The following VAV3 variants were observed in gnomAD, a reference collection of about 807,000 sequenced individuals.
The protein encoded by VAV3 is guanine nucleotide exchange factor VAV3.
In VAV3, 94 loss-of-function variants were observed where a neutral mutation model predicts 131.2. The observed-to-expected ratio is 0.72, with a 90% CI of 0.61 to 0.85. The LOEUF (loss-of-function observed/expected upper bound fraction) is 0.85, where lower values mean the gene tolerates loss of function less well. Among genes scored for constraint, VAV3 ranks in the 40% least tolerant of loss-of-function variants. The pLI, the probability that VAV3 is intolerant of heterozygous loss-of-function variation, is 0.00. For missense variants in VAV3, 939 were observed against 1,002.7 expected (o/e 0.94, Z 0.86); for synonymous variants, 349 against 342.0 (o/e 1.02, Z -0.22).
intron 2 of VAV3, among the ~76,000 whole-genome samples, chr1:107,822,088 A>G (rs1182815919): frequency 6.6e-6 from 1 of 152,134 alleles, no homozygotes; most frequent in East Asian, 1.9e-4. Context: ...GACTAGGGCA[A>G]AAACTCACCA....
intron 15 of VAV3, among the ~76,000 whole-genome samples, chr1:107,709,622 C>T (rs1570798356): frequency 6.6e-6 from 1 of 152,168 alleles, no homozygotes; most frequent in East Asian, 1.9e-4. Flanking sequence ...ATAATCCCCA[C>T]GTGTCGTGAG....
In VAV3 at chr1:107,642,723, A is replaced by G. The variant is rs199768177; in HGVS notation, c.1810T>C (p.Ser604Pro). The G allele has an allele frequency of 2.9e-5, 46 of 1,613,484 alleles. No individual in the cohort carries two copies. The East Asian group carries it at 8.7e-4, about 30-fold the overall frequency. Residue 604 changes from serine to proline, a missense_variant, in exon 20 of 27, where the codon TCT becomes CCT. By Grantham distance (74) the Ser-to-Pro change is moderately conservative. Transcript: ENST00000370056. ...LPKMQVIRNY[S>P]GTPPPALHEG... ...TGCAGAGCTGGGGGTGGTGTTCCAG[A>G]ATAGTTCCTAATGACCTGCATCTTT...
At chr1:107,596,978 C>T (rs150055565) in intron 24 of VAV3, among the ~76,000 whole-genome samples, 6 of 152,258 alleles carry the variant, frequency 3.9e-5, no homozygotes, top group East Asian at 1.9e-4. Flanking sequence ...GTAATAACCA[C>T]ATGCCATCCT....
intron 2 of VAV3, 73 bp downstream of exon 2, chr1:107,874,828 A>ACT (rs1241774673): frequency 7.7e-7 from 1 of 1,302,172 alleles, no homozygotes; most frequent in African/African-American, 1.5e-5. Context: ...CACATGCCCT[A>ACT]CTTCAAGATT....
At chr1:107,698,177 T>C (rs539245060) in intron 17 of VAV3, among the ~76,000 whole-genome samples, 109 of 152,328 alleles carry the variant, frequency 7.2e-4, no homozygotes, top group Middle Eastern at 6.8e-3. Flanking sequence ...GTACAAATGG[T>C]CCCCAATTTT....
At chr1:107,584,244 T>C (rs1170901514) in intron 25 of VAV3, among the ~76,000 whole-genome samples, 1 of 152,168 alleles carries the variant, frequency 6.6e-6, no homozygotes, top group African/African-American at 2.4e-5. Context: ...TTACACCTTA[T>C]ACAAGAATCA....
intron 11 of VAV3, 74 bp downstream of exon 11, chr1:107,757,187 G>GTGTGTGTGTGTGTGTATA (rs869175769): frequency 2.3e-5 from 19 of 814,520 alleles, no homozygotes; most frequent in African/African-American, 1.7e-4. Context: ...GTGTGTGTGT[G>GTGTGTGTGTGTGTGTATA]TATGCAATTT....
intron 15 of VAV3, among the ~76,000 whole-genome samples, chr1:107,715,776 T>C (rs1661056640): frequency 6.6e-6 from 1 of 152,144 alleles, no homozygotes; most frequent in Non-Finnish European, 1.5e-5. Flanking sequence ...AGAAATCAAT[T>C]CTAGAGAATT....
chr1:107,746,838 G>A (rs540719963), intron 15 of VAV3, among the ~76,000 whole-genome samples: 1 of 151,912 alleles, frequency 6.6e-6, no homozygotes, highest in South Asian at 2.1e-4. Flanking sequence ...CACTCTTAAG[G>A]AGAGAAGTCA....
intron 2 of VAV3, among the ~76,000 whole-genome samples, chr1:107,813,830 T>C (rs961465133): frequency 6.6e-6 from 1 of 152,116 alleles, no homozygotes; most frequent in Admixed American, 6.5e-5. Context: ...ACTTTTTGGT[T>C]CCCACATAAT....
At chr1:107,609,064 G>C (rs542415006) in intron 22 of VAV3, among the ~76,000 whole-genome samples, 12 of 152,150 alleles carry the variant, frequency 7.9e-5, no homozygotes, top group Non-Finnish European at 1.5e-4. Flanking sequence ...CTCACTAGTT[G>C]CATGCTCTGT....
chr1:107,826,631 C>T (rs1055646338), intron 2 of VAV3, among the ~76,000 whole-genome samples: 1 of 152,124 alleles, frequency 6.6e-6, no homozygotes, highest in Non-Finnish European at 1.5e-5. Flanking sequence ...CCAATGTTAG[C>T]GAAAGTCAAG....
intron 19 of VAV3, among the ~76,000 whole-genome samples, chr1:107,651,177 T>C (rs527275143): frequency 3.3e-5 from 5 of 152,280 alleles, no homozygotes; most frequent in African/African-American, 1.2e-4. Flanking sequence ...GGCACCTTGA[T>C]TGTAGATTTC....
At chr1:107,616,905 G>A (rs1653196152) in intron 21 of VAV3, among the ~76,000 whole-genome samples, 1 of 152,006 alleles carries the variant, frequency 6.6e-6, no homozygotes, top group Non-Finnish European at 1.5e-5. Context: ...AAGTTGTGTG[G>A]AAAACGTCAC....
chr1:107,856,839 C>A (rs1669492864), intron 2 of VAV3, among the ~76,000 whole-genome samples: 1 of 152,062 alleles, frequency 6.6e-6, no homozygotes, highest in Non-Finnish European at 1.5e-5. Context: ...GAGTTCAAGA[C>A]CAACCTGAGC....
At chr1:107,731,280 T>C (rs1662222309) in intron 15 of VAV3, among the ~76,000 whole-genome samples, 1 of 152,204 alleles carries the variant, frequency 6.6e-6, no homozygotes, top group South Asian at 2.1e-4. Flanking sequence ...GACAACAGCA[T>C]CTAGCATTCA....
chr1:107,656,761 A>C (rs1656593137), intron 19 of VAV3, among the ~76,000 whole-genome samples: 1 of 152,028 alleles, frequency 6.6e-6, no homozygotes, highest in African/African-American at 2.4e-5. Flanking sequence ...ATAAAAAAGG[A>C]AATTATCCTA....
chr1:107,790,499 C>T (rs1017362403), intron 2 of VAV3, among the ~76,000 whole-genome samples: 1 of 152,122 alleles, frequency 6.6e-6, no homozygotes, highest in Non-Finnish European at 1.5e-5. Context: ...CACACAGTGC[C>T]AGAGGAGAGG....
At chr1:107,719,976 G>A (rs1225223858) in intron 15 of VAV3, among the ~76,000 whole-genome samples, 1 of 152,062 alleles carries the variant, frequency 6.6e-6, no homozygotes, top group Non-Finnish European at 1.5e-5. Flanking sequence ...ACCAAACACC[G>A]CATTTTCTCA....
Sources: allele counts gnomAD v4.1 joint callset (sites outside exome capture counted in the v4.1 genomes callset), GRCh38; gene constraint gnomAD v4.1.1; transcripts MANE v1.5; gene names NCBI Gene and HGNC (gene_info 2026-07-23, HGNC 2026-07-21).